BRIP1: variants seen among roughly 807,000 people sequenced by gnomAD.
BRIP1 encodes the protein BRCA1 interacting DNA helicase 1.
A neutral mutation model predicts 119.7 loss-of-function variants in BRIP1; 88 were observed. The observed-to-expected ratio is 0.74, with a 90% CI of 0.62 to 0.88. The LOEUF is 0.88. BRIP1 is among the 40% of genes least tolerant of loss of function. BRIP1 has a pLI of 0.00. For synonymous variants in BRIP1, 443 were observed against 496.5 expected (o/e 0.89, Z 1.43); for missense variants, 1,259 against 1,455.4 (o/e 0.87, Z 2.20).
chr17:61,763,823 CGTAGCTAGAAGT>C (rs2077312925), intron 14 of BRIP1, among the ~76,000 whole-genome samples: 1 of 152,022 alleles, frequency 6.6e-6, no homozygotes, highest in Non-Finnish European at 1.5e-5. Flanking sequence ...ATGTTAAAAT[CGTAGCTAGAAGT>C]TAGAAACCTG....
intron 16 of BRIP1, among the ~76,000 whole-genome samples, chr17:61,727,662 C>T (rs1311197403): frequency 6.6e-6 from 1 of 151,744 alleles, no homozygotes; most frequent in Non-Finnish European, 1.5e-5. Flanking sequence ...ACTTAGGAGG[C>T]TAAGGCAGGA....
chr17:61,852,976 T>C lies in BRIP1; in HGVS notation c.380-3720A>G, dbSNP rs766150966. Among the ~76,000 whole-genome samples, 17 of 152,218 alleles carry C rather than the reference T, an allele frequency of 1.1e-4. No individual in the cohort carries two copies. The highest frequency in any genetic ancestry group is 2.2e-4 in the Non-Finnish European group (15 of 68,046). On this transcript the variant is annotated intron_variant, in intron 4 of 19. Coordinates refer to ENST00000259008, the MANE Select transcript of BRIP1 (RefSeq NM_032043.3). This position sits in a 1 kb window ranked among gnomAD's most constrained non-coding sequence, Gnocchi z 4.9. ...ACTATAGCTGAACATATGTATATAC[T>C]ATGACCAGGTATGTGTCTACAGACA...
chr17:61,782,846 T>C (rs979773685), intron 11 of BRIP1, among the ~76,000 whole-genome samples: 1 of 152,112 alleles, frequency 6.6e-6, no homozygotes, highest in Non-Finnish European at 1.5e-5. Context: ...ATACAAAAAA[T>C]AAAATAACGA....
chr17:61,744,694 CTG>C lies in BRIP1; in HGVS notation c.2098-105_2098-104del. ...GACTACGGCAAGTATATTAATCTCT[CTG>C]TGTCTTTTCTCATTTATAAAATGAG... On this transcript the variant is annotated intron_variant, in intron 14 of 19. Coordinates refer to ENST00000259008, the MANE Select transcript of BRIP1 (RefSeq NM_032043.3). The surrounding 1 kb of genome is among the most constrained non-coding windows in gnomAD (Gnocchi z 5.0). 7.9e-6 allele frequency: 8 copies of C among 1,012,724 alleles called. No homozygotes were observed. In the South Asian group the frequency reaches 8.0e-5, roughly 10 times the overall value. The allele number at this position is 1,012,724 out of a possible 1,614,324, so 62.7% of individuals were successfully genotyped here.
rs1171681320 is a variant in BRIP1, at chr17:61,681,038, TGA to T, written c.*2256_*2257del. On this transcript the variant is annotated 3_prime_UTR_variant, in exon 20 of 20. Coordinates refer to ENST00000259008, the MANE Select transcript of BRIP1 (RefSeq NM_032043.3). This position sits in a 1 kb window ranked among gnomAD's most constrained non-coding sequence, Gnocchi z 5.1. The stretch of plus-strand genomic sequence containing the variant: ...TTCACAGGGCAGCAGGAGAGAAGAA[TGA>T]GAGTGAAGCAGGGAAAAGCTCCTTA... Among the ~76,000 whole-genome samples, 4 of 152,052 alleles carry T rather than the reference TGA, an allele frequency of 2.6e-5. No homozygotes were observed. Among genetic ancestry groups the T allele is most frequent in the Admixed American group, 6.6e-5 (1 of 15,266 alleles).
intron 10 of BRIP1, 95 bp from the exon 11 acceptor site, chr17:61,784,519 T>C (rs2077675147): frequency 2.5e-6 from 3 of 1,193,082 alleles, no homozygotes; most frequent in Non-Finnish European, 1.2e-6. Flanking sequence ...AAAACATGCA[T>C]TGAAATTTTA....
intron 3 of BRIP1, among the ~76,000 whole-genome samples, chr17:61,858,854 T>C (rs2078934913): frequency 6.6e-6 from 1 of 152,162 alleles, no homozygotes; most frequent in Non-Finnish European, 1.5e-5. Flanking sequence ...TTATGTAGTT[T>C]ATATAGTCTT....
At position 61,851,796 on chromosome 17, in the gene BRIP1, A is replaced by G. The variant is rs2145788241; in HGVS notation, c.380-2540T>C. On this transcript the variant is annotated intron_variant, in intron 4 of 19. Coordinates refer to ENST00000259008, the MANE Select transcript of BRIP1 (RefSeq NM_032043.3). This position sits in a 1 kb window ranked among gnomAD's most constrained non-coding sequence, Gnocchi z 4.6. ...TAAGATAGGTAATTTTGAGCTCTGC[A>G]TGTCCAGGCAACCAGTAAAATAACC... 6.6e-6 allele frequency among the ~76,000 whole-genome samples: 1 copy of G among 152,308 alleles called. No individual in the cohort carries two copies.
At position 61,852,825 on chromosome 17, in the gene BRIP1, A is replaced by T. The variant is rs2078841870; in HGVS notation, c.380-3569T>A. ...CACAAGAATGACTAACTTTTTTTTTAAACTATAAATATCAAGTACTAACAA... is the reference window on the plus strand; with the variant it reads ...CACAAGAATGACTAACTTTTTTTTTTAACTATAAATATCAAGTACTAACAA... On this transcript the variant is annotated intron_variant, in intron 4 of 19. Coordinates refer to ENST00000259008, the MANE Select transcript of BRIP1 (RefSeq NM_032043.3). This position sits in a 1 kb window ranked among gnomAD's most constrained non-coding sequence, Gnocchi z 4.9. 6.6e-6 allele frequency among the ~76,000 whole-genome samples: 1 copy of T among 152,140 alleles called. No homozygotes were observed. Among genetic ancestry groups the T allele is most frequent in the African/African-American group, 2.4e-5 (1 of 41,450 alleles).
rs2061370887 is a variant in BRIP1 at position 61,686,741 on chromosome 17, A to G, written c.2576-576T>C. ...TTTTTATGATATAATTATTTTTAAT[A>G]TATAATCAAGTTATAAAGGATATGA... On this transcript the variant is annotated intron_variant, in intron 18 of 19. Coordinates refer to ENST00000259008, the MANE Select transcript of BRIP1 (RefSeq NM_032043.3). This position sits in a 1 kb window ranked among gnomAD's most constrained non-coding sequence, Gnocchi z 5.4. Among the ~76,000 whole-genome samples the G allele has an allele frequency of 1.3e-5, 2 of 152,074 alleles. No individual in the cohort carries two copies. The highest frequency in any genetic ancestry group is 2.9e-5 in the Non-Finnish European group (2 of 68,004).
rs1452120223 is a variant in BRIP1 at position 61,774,700 on chromosome 17, C to T, written c.2097+1701G>A. ...ATCAAAGAAATAAACTCAATTGGAA[C>T]AAAGTATATTCGAAGGATTTCCTGT... On this transcript the variant is annotated intron_variant, in intron 14 of 19. Coordinates refer to ENST00000259008, the MANE Select transcript of BRIP1 (RefSeq NM_032043.3). This position sits in a 1 kb window ranked among gnomAD's most constrained non-coding sequence, Gnocchi z 5.8. Among the ~76,000 whole-genome samples the T allele has an allele frequency of 1.3e-5, 2 of 152,218 alleles. No individual in the cohort carries two copies. The highest frequency in any genetic ancestry group is 3.4e-3 in the Middle Eastern group (1 of 292).
Position 61,740,957 on chromosome 17 carries a change from T to C in BRIP1, c.2379+2056A>G, listed in dbSNP as rs940575862. Among the ~76,000 whole-genome samples, 4 of 152,150 alleles carry C rather than the reference T, an allele frequency of 2.6e-5. No homozygotes were observed. The highest frequency in any genetic ancestry group is 4.8e-5 in the African/African-American group (2 of 41,438). On this transcript the variant is annotated intron_variant, in intron 16 of 19. Coordinates refer to ENST00000259008, the MANE Select transcript of BRIP1 (RefSeq NM_032043.3). The surrounding 1 kb of genome is among the most constrained non-coding windows in gnomAD (Gnocchi z 5.4). ...TATCATGTGACTCTTCCTTTCACAA[T>C]AGATTTCTCTGTGGCATAAGATGCT...
Position 61,696,000 on chromosome 17 carries a change from A to G in BRIP1, c.2493-2488T>C, listed in dbSNP as rs1473449059. Reference sequence around the variant, plus strand: ...TGCCCTGGTTAGAACCTCCAATACAATATTGAATAGAAGTGGTAAGAGTGA... The same window carrying G: ...TGCCCTGGTTAGAACCTCCAATACAGTATTGAATAGAAGTGGTAAGAGTGA... On this transcript the variant is annotated intron_variant, in intron 17 of 19. Transcript: ENST00000259008. The surrounding 1 kb of genome is among the most constrained non-coding windows in gnomAD (Gnocchi z 4.3). 6.6e-6 allele frequency among the ~76,000 whole-genome samples: 1 copy of G among 152,132 alleles called. No homozygotes were observed. The highest frequency in any genetic ancestry group is 1.5e-5 in the Non-Finnish European group (1 of 68,014).
intron 10 of BRIP1, among the ~76,000 whole-genome samples, chr17:61,787,438 CTATAT>C (rs1253543928): frequency 8.2e-6 from 1 of 121,280 alleles, no homozygotes; most frequent in South Asian, 2.5e-4. Context: ...AATATATATA[CTATAT>C]ATTATATATA....
intron 17 of BRIP1, among the ~76,000 whole-genome samples, chr17:61,712,628 G>A (rs142936858): frequency 0.01 from 1,526 of 152,258 alleles, 12 homozygotes; most frequent in South Asian, 0.02. Context: ...TTTGTGGGCC[G>A]AATGTGGTGG....
At chr17:61,766,507 G>C (rs1301478346) in intron 14 of BRIP1, among the ~76,000 whole-genome samples, 4 of 151,834 alleles carry the variant, frequency 2.6e-5, no homozygotes, top group African/African-American at 4.8e-5. Flanking sequence ...CTACACGAGG[G>C]GAAAAAAAAC....
rs943187369 is a variant in BRIP1 at position 61,709,425 on chromosome 17, G to A, written c.2492+6526C>T. The stretch of plus-strand genomic sequence containing the variant: ...GACAAAAAAAATCTAAATTTTATAG[G>A]GCATTATTTTTTGATATTATTTTAA... On this transcript the variant is annotated intron_variant, in intron 17 of 19. Transcript: ENST00000259008. This position sits in a 1 kb window ranked among gnomAD's most constrained non-coding sequence, Gnocchi z 5.0. Among the ~76,000 whole-genome samples, 4 of 151,918 alleles carry A rather than the reference G, an allele frequency of 2.6e-5. No individual in the cohort carries two copies. Among genetic ancestry groups the A allele is most frequent in the African/African-American group, 7.3e-5 (3 of 41,348 alleles).
At chr17:61,711,870 A>T (rs8064683) in intron 17 of BRIP1, among the ~76,000 whole-genome samples, 50,411 of 151,120 alleles carry the variant, frequency 0.33, 8,552 homozygotes, top group East Asian at 0.49. Context: ...TCTCTCAAAA[A>T]AAAAATAATA....
chr17:61,773,392 C>T (rs1567806078), intron 14 of BRIP1, among the ~76,000 whole-genome samples: 1 of 152,062 alleles, frequency 6.6e-6, no homozygotes, highest in African/African-American at 2.4e-5. Flanking sequence ...CTTCCTTACA[C>T]CTTATACAAA....
Sources: allele counts gnomAD v4.1 joint callset (sites outside exome capture counted in the v4.1 genomes callset), GRCh38; gene constraint gnomAD v4.1.1; non-coding constraint Gnocchi (gnomAD v3.1); transcripts MANE v1.5; gene names NCBI Gene and HGNC (gene_info 2026-07-23, HGNC 2026-07-21).